SEMA3D: variants seen among roughly 807,000 people sequenced by gnomAD.
SEMA3D encodes the protein semaphorin-3D.
SEMA3D carries 84 observed loss-of-function variants against 100.1 expected under a neutral mutation model. That is an observed-to-expected ratio of 0.84 (90% CI 0.70 to 1.01). SEMA3D has a LOEUF of 1.01. SEMA3D is among the 50% of genes least tolerant of loss of function. The pLI is 0.00. For synonymous variants in SEMA3D, 312 were observed against 320.7 expected, an observed-to-expected ratio of 0.97 and a Z score of 0.29; for missense variants, 875 against 934.1, an observed-to-expected ratio of 0.94 and a Z score of 0.82.
chr7:85,140,000 A>T (rs1397229898), intron 2 of SEMA3D: 3 of 431,448 alleles, frequency 7.0e-6, no homozygotes, highest in Non-Finnish European at 9.3e-6. Flanking sequence ...AGAAAAAGTG[A>T]TCAAAACAAG....
the SEMA3D span, among the ~76,000 whole-genome samples, chr7:85,230,868 C>A: frequency 6.3e-5 from 9 of 141,886 alleles, no homozygotes; most frequent in African/African-American, 2.5e-4. Flanking sequence ...CTGCTTATTG[C>A]ATTTTATAGT....
chr7:85,160,099 T>C (rs11984350), intron 1 of SEMA3D: 31 of 908,860 alleles, frequency 3.4e-5, no homozygotes, highest in Middle Eastern at 5.6e-4. Context: ...AATTCCACTT[T>C]GATAAAATTG....
chr7:85,232,109 T>A, the SEMA3D span, among the ~76,000 whole-genome samples: 1 of 151,676 alleles, frequency 6.6e-6, no homozygotes, highest in African/African-American at 2.4e-5. Flanking sequence ...GAGGCAGGAG[T>A]GTTGGCTACG....
At chr7:85,188,419 AT>A (rs1003828125), upstream of SEMA3D, among the ~76,000 whole-genome samples, 5 of 151,512 alleles carry the variant, frequency 3.3e-5, no homozygotes, top group African/African-American at 4.9e-5. Flanking sequence ...AGCAACTTTT[AT>A]TTTTTTTCTG....
chr7:85,039,331 A>C (rs1396019879), intron 11 of SEMA3D, among the ~76,000 whole-genome samples: 1 of 152,118 alleles, frequency 6.6e-6, no homozygotes, highest in Non-Finnish European at 1.5e-5. Flanking sequence ...CAATGGCACA[A>C]CCTGCAACCT....
At chr7:85,029,097 G>T in intron 12 of SEMA3D, 2 of 578,566 alleles carry the variant, frequency 3.5e-6, no homozygotes, top group South Asian at 3.4e-5. Context: ...CTACCAGGCA[G>T]ACACAGACCT....
At chr7:85,218,718 C>T in the SEMA3D span, among the ~76,000 whole-genome samples, 1 of 152,058 alleles carries the variant, frequency 6.6e-6, no homozygotes, top group African/African-American at 2.4e-5. Flanking sequence ...GTATTTCTAT[C>T]ATGAGCAAGC....
chr7:85,126,189 A>G (rs1381473791), intron 2 of SEMA3D, among the ~76,000 whole-genome samples: 1 of 152,180 alleles, frequency 6.6e-6, no homozygotes, highest in Non-Finnish European at 1.5e-5. Context: ...AGCAAGAAAT[A>G]TGAAATTTTA....
chr7:85,044,056 T>C (rs1037212491), intron 9 of SEMA3D, among the ~76,000 whole-genome samples: 2 of 151,936 alleles, frequency 1.3e-5, no homozygotes. Context: ...TTCCAATAAT[T>C]TATTTATATT....
the SEMA3D span, among the ~76,000 whole-genome samples, chr7:85,208,456 A>G: frequency 1.3e-5 from 2 of 152,108 alleles, no homozygotes; most frequent in Non-Finnish European, 2.9e-5. Flanking sequence ...TAGCAAAATA[A>G]TTAATTTTAA....
rs34901699 is a variant in SEMA3D at position 85,009,585 on chromosome 7, T to TA, written c.1769-2645dup. On this transcript the variant is annotated intron_variant, in intron 17 of 18. Coordinates refer to ENST00000284136, the MANE Select transcript of SEMA3D (RefSeq NM_001384900.1). The stretch of plus-strand genomic sequence containing the variant: ...TATACAGGTGTCAATCACTTTTATT[T>TA]AAAAAAAAAAACAACTTTTCTGAGC... 4.9e-4 allele frequency among the ~76,000 whole-genome samples: 73 copies of TA among 147,894 alleles called. No homozygotes were observed. The South Asian group carries it at 6.0e-3, about 12-fold the overall frequency.
At chr7:85,024,874 C>CA (rs2115867955) in intron 12 of SEMA3D, among the ~76,000 whole-genome samples, 1 of 152,036 alleles carries the variant, frequency 6.6e-6, no homozygotes, top group East Asian at 1.9e-4. Context: ...AGCTGTGCTG[C>CA]ACACAGATCT....
intron 3 of SEMA3D, 128 bp from the exon 4 acceptor site, chr7:85,098,093 AAG>A: frequency 1.7e-6 from 1 of 577,240 alleles, no homozygotes; most frequent in Non-Finnish European, 2.8e-6. Flanking sequence ...AGAAAGAAAA[AAG>A]AAAGAAAGAA....
the SEMA3D span, among the ~76,000 whole-genome samples, chr7:85,213,553 G>A: frequency 2.0e-5 from 3 of 151,836 alleles, no homozygotes; most frequent in African/African-American, 4.8e-5. Context: ...GTATCTCCAG[G>A]GAATGATTTT....
At chr7:85,154,989 CCA>C (rs1231980283) in intron 1 of SEMA3D, among the ~76,000 whole-genome samples, 1 of 152,070 alleles carries the variant, frequency 6.6e-6, no homozygotes, top group Non-Finnish European at 1.5e-5. Flanking sequence ...ACTGTCATCT[CCA>C]CAGTTTTTCA....
At chr7:85,035,035 T>C (rs1011455499) in intron 12 of SEMA3D, among the ~76,000 whole-genome samples, 1 of 152,002 alleles carries the variant, frequency 6.6e-6, no homozygotes, top group Non-Finnish European at 1.5e-5. Flanking sequence ...CTTAGATTCA[T>C]TGCAGCACTA....
intron 13 of SEMA3D, among the ~76,000 whole-genome samples, chr7:85,021,996 A>G (rs924235351): frequency 3.3e-5 from 5 of 151,854 alleles, no homozygotes; most frequent in Admixed American, 6.6e-5. Flanking sequence ...CTGAAAATCT[A>G]TCTTAAGTCA....
chr7:85,012,746 TA>T (rs775126266), intron 17 of SEMA3D, 35 bp downstream of exon 17: 23 of 1,519,750 alleles, frequency 1.5e-5, no homozygotes, highest in Non-Finnish European at 2.0e-5. Flanking sequence ...CTTAGCATTT[TA>T]AATGGGAGAA....
intron 1 of SEMA3D, among the ~76,000 whole-genome samples, chr7:85,180,357 C>T (rs1791367187): frequency 6.6e-6 from 1 of 152,150 alleles, no homozygotes; most frequent in Admixed American, 6.5e-5. Flanking sequence ...CCTGAGGCCT[C>T]CCCAGCCATG....
Sources: gnomAD v4.1 joint callset for allele counts (sites outside exome capture counted in the v4.1 genomes callset) on GRCh38, gnomAD v4.1.1 for gene constraint, MANE v1.5 for transcripts, NCBI Gene and HGNC (gene_info 2026-07-23, HGNC 2026-07-21) for gene names.